Variants in TRIQK observed in about 807,000 individuals in gnomAD.
The protein encoded by TRIQK is triple QxxK/R motif-containing protein.
A neutral mutation model predicts 10.8 loss-of-function variants in TRIQK; 10 were observed. The observed-to-expected ratio is 0.92, with a 90% CI of 0.57 to 1.57. TRIQK has a LOEUF of 1.57. TRIQK is among the 40% of genes most tolerant of loss of function. The pLI is 0.00. For synonymous variants in TRIQK, 33 were observed against 33.7 expected (o/e 0.98, Z 0.07); for missense variants, 107 against 97.7 (o/e 1.09, Z -0.40).
rs558165832 is a variant in TRIQK, at chr8:92,912,536, G to T, written c.61+4393C>A. 5.9e-5 allele frequency among the ~76,000 whole-genome samples: 9 copies of T among 151,760 alleles called. No homozygotes were observed. The East Asian group carries it at 1.7e-3, about 29-fold the overall frequency. On this transcript the variant is annotated intron_variant, in intron 3 of 4. Transcript: ENST00000521988. ...GAAAAAGAACAACCCTAAGCACAAA[G>T]TTGCCAGGAAAAAGCAAAATAGTAA...
chr8:92,959,824 G>A (rs962416931), intron 1 of TRIQK, among the ~76,000 whole-genome samples: 3 of 151,928 alleles, frequency 2.0e-5, no homozygotes, highest in African/African-American at 7.3e-5. Flanking sequence ...TGTAAATCAG[G>A]GACGGACTGT....
At chr8:92,966,767 G>C (rs1812766112), upstream of TRIQK, among the ~76,000 whole-genome samples, 1 of 152,016 alleles carries the variant, frequency 6.6e-6, no homozygotes, top group Non-Finnish European at 1.5e-5. Flanking sequence ...ATGAAACACA[G>C]GCTAGGAAAG....
intron 2 of TRIQK, among the ~76,000 whole-genome samples, chr8:92,919,401 A>G (rs987349543): frequency 1.3e-5 from 2 of 151,826 alleles, no homozygotes; most frequent in African/African-American, 4.8e-5. Context: ...AAATAATCGT[A>G]TGGTGTTTAT....
At chr8:92,953,343 G>A (rs1048779606) in intron 2 of TRIQK, 1 of 151,942 alleles carries the variant, frequency 6.6e-6, no homozygotes, top group African/African-American at 2.4e-5. Flanking sequence ...AGTGAAAACA[G>A]AGCAAACCAA....
chr8:93,003,786 T>C (rs988354880), intron 1 of TRIQK, among the ~76,000 whole-genome samples: 32 of 151,966 alleles, frequency 2.1e-4, no homozygotes, highest in African/African-American at 7.0e-4. Context: ...AGGAAGAAAT[T>C]GGCCAAAAAA....
Position 93,013,067 on chromosome 8 carries a change from T to G in TRIQK, c.-181+4542A>C, listed in dbSNP as rs74863090. On this transcript the variant is annotated intron_variant, in intron 1 of 4. Transcript: ENST00000520686. Reference sequence around the variant, plus strand: ...CTACACAACAGGAATCAAACAGGCTTTGCTAAATGTTTTCAGGATTACTCA... The same window carrying G: ...CTACACAACAGGAATCAAACAGGCTGTGCTAAATGTTTTCAGGATTACTCA... Among the ~76,000 whole-genome samples, 601 of 152,232 alleles carry G rather than the reference T, an allele frequency of 3.9e-3. 4 individuals are homozygous for G. Among genetic ancestry groups the G allele is most frequent in the African/African-American group, 0.014 (564 of 41,538 alleles).
chr8:93,000,595 C>A (rs2130756263), intron 1 of TRIQK, among the ~76,000 whole-genome samples: 1 of 152,112 alleles, frequency 6.6e-6, no homozygotes, highest in South Asian at 2.1e-4. Context: ...GTTGGGGACA[C>A]AACCAAATCA....
intron 1 of TRIQK, among the ~76,000 whole-genome samples, chr8:92,993,404 G>C (rs531481450): frequency 7.2e-5 from 11 of 152,140 alleles, no homozygotes; most frequent in Admixed American, 2.6e-4. Flanking sequence ...GTGAAACAAG[G>C]GTGCATCTTC....
intron 1 of TRIQK, among the ~76,000 whole-genome samples, chr8:93,003,936 G>A (rs895778239): frequency 4.5e-4 from 68 of 152,202 alleles, no homozygotes; most frequent in African/African-American, 1.5e-3. Flanking sequence ...CAAGGCCTTA[G>A]GTAGCTCTCT....
chr8:92,955,426 C>T (rs1238663716), intron 1 of TRIQK, among the ~76,000 whole-genome samples: 1 of 151,604 alleles, frequency 6.6e-6, no homozygotes, highest in Non-Finnish European at 1.5e-5. Context: ...AAATTTAATT[C>T]AAGATGAATC....
chr8:92,990,472 A>G (rs1386994206), intron 1 of TRIQK, among the ~76,000 whole-genome samples: 1 of 152,140 alleles, frequency 6.6e-6, no homozygotes, highest in African/African-American at 2.4e-5. Flanking sequence ...AAGATGGCCC[A>G]ATAGGAAGAG....
At chr8:92,974,791 A>T (rs754046466) in intron 1 of TRIQK, 2 of 152,200 alleles carry the variant, frequency 1.3e-5, no homozygotes, top group Non-Finnish European at 1.5e-5. Context: ...CAGTCTTCCT[A>T]GAGGGCTTTG....
chr8:92,904,260 G>A lies in TRIQK; in HGVS notation c.62-12186C>T, dbSNP rs555476525. Among the ~76,000 whole-genome samples the A allele has an allele frequency of 4.9e-4, 75 of 152,172 alleles. No homozygotes were observed. The South Asian group carries it at 0.015, about 30-fold the overall frequency. On this transcript the variant is annotated intron_variant, in intron 3 of 4. Coordinates refer to ENST00000521988, the MANE Select transcript of TRIQK (RefSeq NM_001171797.2). ...TGGAAATAGGCAGGATCTCCAGCATGGTTCCCCAATATGTGCTCTAACAGC... is the reference window on the plus strand; with the variant it reads ...TGGAAATAGGCAGGATCTCCAGCATAGTTCCCCAATATGTGCTCTAACAGC...
upstream of TRIQK, among the ~76,000 whole-genome samples, chr8:92,966,663 A>T (rs1184536728): frequency 6.6e-6 from 1 of 152,192 alleles, no homozygotes; most frequent in South Asian, 2.1e-4. Context: ...GATGTTACTT[A>T]TTGGAAAAGT....
intron 1 of TRIQK, among the ~76,000 whole-genome samples, chr8:92,990,191 C>T (rs1455904781): frequency 6.6e-6 from 1 of 152,134 alleles, no homozygotes; most frequent in African/African-American, 2.4e-5. Context: ...TAAAACAACA[C>T]AAGAAGAAAT....
intron 1 of TRIQK, among the ~76,000 whole-genome samples, chr8:92,964,023 A>G (rs1452137133): frequency 1.3e-5 from 2 of 152,236 alleles, no homozygotes; most frequent in Non-Finnish European, 2.9e-5. Context: ...AACATAGATT[A>G]CATGGTTTTG....
intron 3 of TRIQK, among the ~76,000 whole-genome samples, chr8:92,899,666 G>A (rs977123631): frequency 2.6e-5 from 4 of 152,288 alleles, no homozygotes; most frequent in Admixed American, 2.6e-4. Context: ...GGACACTTAG[G>A]TTGCTTCTGA....
upstream of TRIQK, among the ~76,000 whole-genome samples, chr8:92,966,573 A>G (rs868799727): frequency 3.9e-5 from 6 of 152,290 alleles, no homozygotes; most frequent in Middle Eastern, 3.4e-3. Context: ...GATTGCAAAA[A>G]CGTGACTGAC....
chr8:92,916,965 T>C lies in TRIQK; in HGVS notation c.25A>G (p.Ile9Val), dbSNP rs959180686. 5 of 1,506,316 alleles carry C rather than the reference T, an allele frequency of 3.3e-6. No individual in the cohort carries two copies. Among genetic ancestry groups the C allele is most frequent in the South Asian group, 1.3e-5 (1 of 77,992 alleles). The allele number at this position is 1,506,316 out of a possible 1,614,324, so 93.3% of individuals were successfully genotyped here. The change falls in exon 3 of 5, where the codon ATA becomes GTA. Residue 9 changes from isoleucine (I) to valine (V), a missense_variant. Transcript: ENST00000521988. MGRKDAAT[I>V]KLPVDQYRKQ... Reference sequence around the variant, plus strand: ...CTGTACTGATCAACAGGAAGTTTTATAGTAGCAGCATCTTTTCTACCCATC... The same window carrying C: ...CTGTACTGATCAACAGGAAGTTTTACAGTAGCAGCATCTTTTCTACCCATC...
Sources: allele counts gnomAD v4.1 joint callset (sites outside exome capture counted in the v4.1 genomes callset), GRCh38; gene constraint gnomAD v4.1.1; transcripts MANE v1.5; gene names NCBI Gene and HGNC (gene_info 2026-07-23, HGNC 2026-07-21).